The following PCOLCE2 variants were observed in gnomAD, a reference collection of about 807,000 sequenced individuals.
PCOLCE2 encodes the protein procollagen C-proteinase enhancer 2.
Under a neutral mutation model 47.0 loss-of-function variants are expected in PCOLCE2, and 42 were observed. That is an observed-to-expected ratio of 0.89 (90% CI 0.70 to 1.16). PCOLCE2 has a LOEUF of 1.16. Ranked by LOEUF, PCOLCE2 falls within the 50% of genes most tolerant of loss-of-function variation. The pLI is 0.00. For missense variants in PCOLCE2, 500 were observed against 526.1 expected (o/e 0.95, Z 0.49); for synonymous variants, 169 against 191.7 (o/e 0.88, Z 0.98).
intron 2 of PCOLCE2, among the ~76,000 whole-genome samples, chr3:142,868,019 C>T (rs79635921): frequency 0.069 from 10,559 of 152,198 alleles, 406 homozygotes; most frequent in African/African-American, 0.1. Context: ...CCCAAATAAA[C>T]ATGTTACTTG....
In PCOLCE2 at chr3:142,829,772, A is replaced by G. The variant is rs1937124729; in HGVS notation, c.785T>C (p.Ile262Thr). ...SDLSLTADGF[I>T]GHYIFRPKKL... is the part of the protein sequence containing the mutation. The stretch of plus-strand genomic sequence containing the variant: ...TTTTGGCCTGAATATGTAGTGACCA[A>G]TAAACCCATCTGCAGTTAAACTTAA... Residue 262 changes from isoleucine to threonine, a missense_variant, in exon 6 of 9, where the codon ATT becomes ACT. Coordinates refer to ENST00000295992, the MANE Select transcript of PCOLCE2 (RefSeq NM_013363.4). 6.2e-7 allele frequency: 1 copy of G among 1,610,036 alleles called. No homozygotes were observed. The highest frequency in any genetic ancestry group is 2.2e-5 in the East Asian group (1 of 44,830).
intron 2 of PCOLCE2, among the ~76,000 whole-genome samples, chr3:142,880,726 T>C (rs973558474): frequency 6.6e-6 from 1 of 152,240 alleles, no homozygotes; most frequent in African/African-American, 2.4e-5. Flanking sequence ...AGTTATAAAA[T>C]TGCCCTCAAG....
intron 2 of PCOLCE2, among the ~76,000 whole-genome samples, chr3:142,875,128 G>A (rs994109200): frequency 1.3e-5 from 2 of 152,120 alleles, no homozygotes; most frequent in Non-Finnish European, 2.9e-5. Context: ...ACAAAAACAA[G>A]CATATTGGGC....
intron 2 of PCOLCE2, among the ~76,000 whole-genome samples, chr3:142,883,636 C>T (rs1055446692): frequency 6.6e-6 from 1 of 151,360 alleles, no homozygotes; most frequent in Admixed American, 6.6e-5. Flanking sequence ...CCAGGCTGGT[C>T]TTGAACTCCT....
At chr3:142,874,891 T>G (rs1374190474) in intron 2 of PCOLCE2, among the ~76,000 whole-genome samples, 2 of 152,214 alleles carry the variant, frequency 1.3e-5, no homozygotes, top group Admixed American at 6.5e-5. Context: ...ACATCAGGTG[T>G]GTACTAGGGT....
At chr3:142,882,983 G>A (rs977120436) in intron 2 of PCOLCE2, among the ~76,000 whole-genome samples, 4 of 151,784 alleles carry the variant, frequency 2.6e-5, no homozygotes, top group Non-Finnish European at 2.9e-5. Flanking sequence ...GGTGGATCAC[G>A]AGGTCAGGAG....
At chr3:142,824,764 TGA>T (rs1937055158) in intron 6 of PCOLCE2, among the ~76,000 whole-genome samples, 1 of 152,186 alleles carries the variant, frequency 6.6e-6, no homozygotes, top group African/African-American at 2.4e-5. Flanking sequence ...CTCAGCCTCC[TGA>T]GTAGCTGGGA....
intron 2 of PCOLCE2, among the ~76,000 whole-genome samples, chr3:142,860,523 C>T (rs1249790533): frequency 1.3e-5 from 2 of 152,152 alleles, no homozygotes; most frequent in East Asian, 3.8e-4. Flanking sequence ...ATTCTCCTGC[C>T]TCAGCCCCCC....
At chr3:142,857,186 G>C (rs1933080102) in intron 2 of PCOLCE2, among the ~76,000 whole-genome samples, 2 of 152,218 alleles carry the variant, frequency 1.3e-5, no homozygotes, top group Admixed American at 6.5e-5. Flanking sequence ...ATCAACCACA[G>C]CACTGGCACC....
chr3:142,849,063 G>A (rs1281248331), intron 2 of PCOLCE2, among the ~76,000 whole-genome samples: 1 of 151,914 alleles, frequency 6.6e-6, no homozygotes, highest in Non-Finnish European at 1.5e-5. Context: ...TGAGGCAGGA[G>A]AATGGCGTGA....
chr3:142,855,166 C>T (rs986626989), intron 2 of PCOLCE2, among the ~76,000 whole-genome samples: 1 of 152,182 alleles, frequency 6.6e-6, no homozygotes, highest in Admixed American at 6.5e-5. Flanking sequence ...CCCCTGGTCA[C>T]TTAGATCACA....
intron 4 of PCOLCE2, among the ~76,000 whole-genome samples, chr3:142,839,478 A>T (rs929905275): frequency 6.6e-6 from 1 of 152,088 alleles, no homozygotes; most frequent in African/African-American, 2.4e-5. Context: ...ACACTCAGCT[A>T]ATTTTTGTAT....
At position 142,826,697 on chromosome 3, in the gene PCOLCE2, C is replaced by T. The variant is rs945245679; in HGVS notation, c.865+2995G>A. On this transcript the variant is annotated intron_variant, in intron 6 of 8. Transcript: ENST00000295992. ...GCACACACTGTCCGGGTTCTGCTGGCGGCACAAAGCCACTTACATAGATTG... is the reference window on the plus strand; with the variant it reads ...GCACACACTGTCCGGGTTCTGCTGGTGGCACAAAGCCACTTACATAGATTG... Among the ~76,000 whole-genome samples, 6 of 152,180 alleles carry T rather than the reference C, an allele frequency of 3.9e-5. No homozygotes were observed. In the South Asian group the frequency reaches 8.3e-4, roughly 21 times the overall value.
chr3:142,845,770 T>G (rs1481832124), intron 3 of PCOLCE2, among the ~76,000 whole-genome samples: 1 of 151,984 alleles, frequency 6.6e-6, no homozygotes, highest in Admixed American at 6.6e-5. Context: ...AGGTCAGGAG[T>G]TCGAAACCAG....
In PCOLCE2 at chr3:142,826,661, C is replaced by T. The variant is rs6798074; in HGVS notation, c.865+3031G>A. Among the ~76,000 whole-genome samples, 1,010 of 152,296 alleles carry T rather than the reference C, an allele frequency of 6.6e-3. 10 individuals are homozygous for T. Among genetic ancestry groups the T allele is most frequent in the African/African-American group, 0.023 (953 of 41,538 alleles). ...TATTATCTCAATTTGCCATGCTCCA[C>T]ACTCCCCTCAGCACACACTGTCCGG... On this transcript the variant is annotated intron_variant, in intron 6 of 8. Coordinates refer to ENST00000295992, the MANE Select transcript of PCOLCE2 (RefSeq NM_013363.4).
chr3:142,827,219 TG>T, intron 6 of PCOLCE2: 1 of 1,241,224 alleles, frequency 8.1e-7, no homozygotes, highest in Non-Finnish European at 1.2e-6. Flanking sequence ...GCCGATGTGC[TG>T]GTGGTTGCCA....
At chr3:142,843,158 G>C in intron 3 of PCOLCE2, 110 bp from the exon 4 acceptor site, 1 of 1,052,116 alleles carries the variant, frequency 9.5e-7, no homozygotes, top group Non-Finnish European at 1.5e-6. Flanking sequence ...AGTAAATAAA[G>C]GCAACAGCAG....
chr3:142,824,264 T>C (rs183816329), intron 6 of PCOLCE2, among the ~76,000 whole-genome samples: 58 of 152,244 alleles, frequency 3.8e-4, no homozygotes, highest in Middle Eastern at 3.4e-3. Flanking sequence ...CAGCAGGCAT[T>C]TGGCAATATC....
chr3:142,833,664 G>C (rs1414624955), intron 5 of PCOLCE2, among the ~76,000 whole-genome samples: 1 of 152,060 alleles, frequency 6.6e-6, no homozygotes, highest in Non-Finnish European at 1.5e-5. Flanking sequence ...TATATGTCTT[G>C]CAGTGCAAAA....
Sources: gnomAD v4.1 joint callset for allele counts (sites outside exome capture counted in the v4.1 genomes callset) on GRCh38, gnomAD v4.1.1 for gene constraint, MANE v1.5 for transcripts, NCBI Gene and HGNC (gene_info 2026-07-23, HGNC 2026-07-21) for gene names.